The following DMGDH variants were observed in gnomAD, a reference collection of about 807,000 sequenced individuals.
DMGDH encodes dimethylglycine dehydrogenase.
DMGDH carries 76 observed loss-of-function variants against 95.2 expected under a neutral mutation model. The ratio of observed to expected loss-of-function variants is 0.80; its 90% CI spans 0.66 to 0.97. The LOEUF is 0.97. Among genes scored for constraint, DMGDH ranks in the 50% least tolerant of loss-of-function variants. DMGDH has a pLI of 0.00. For missense variants in DMGDH, 987 were observed against 1,055.0 expected, an observed-to-expected ratio of 0.94 and a Z score of 0.89; for synonymous variants, 345 against 377.6, an observed-to-expected ratio of 0.91 and a Z score of 1.00.
Position 79,054,207 on chromosome 5 carries a change from A to C in DMGDH, c.517T>G (p.Phe173Val), listed in dbSNP as rs1199020757. 1 of 1,614,110 alleles carries C rather than the reference A, an allele frequency of 6.2e-7. No individual in the cohort carries two copies. The highest frequency in any genetic ancestry group is 2.2e-5 in the East Asian group (1 of 44,874). Residue 173 changes from phenylalanine (F) to valine (V), a missense_variant, in exon 4 of 16, where the codon TTC (phenylalanine) becomes GTC (valine). Coordinates refer to ENST00000255189, the MANE Select transcript of DMGDH (RefSeq NM_013391.3). ...LIEPEKIQEM[F>V]PLLNMNKVLA... ...ACCTTATTCATGTTGAGTAAAGGGA[A>C]CATCTCTTGAATTTTTTCAGGTTCA...
At chr5:79,042,744 GT>G (rs1754546870) in intron 6 of DMGDH, among the ~76,000 whole-genome samples, 5 of 150,216 alleles carry the variant, frequency 3.3e-5, no homozygotes, top group African/African-American at 1.2e-4. Flanking sequence ...GAATAATATA[GT>G]TTCTGATATT....
intron 6 of DMGDH, among the ~76,000 whole-genome samples, chr5:79,043,975 C>G (rs1322044594): frequency 6.6e-6 from 1 of 152,168 alleles, no homozygotes; most frequent in African/African-American, 2.4e-5. Context: ...ATCTTGAAAG[C>G]AGACCAAGCT....
chr5:79,024,860 C>T (rs968395634), intron 13 of DMGDH, among the ~76,000 whole-genome samples: 2 of 152,222 alleles, frequency 1.3e-5, no homozygotes, highest in Non-Finnish European at 2.9e-5. Context: ...TCAGGGCTAA[C>T]GCCAATATTT....
chr5:79,030,554 G>A (rs1754132559), intron 10 of DMGDH: 4 of 337,062 alleles, frequency 1.2e-5, no homozygotes, highest in East Asian at 6.6e-5. Context: ...ACTGAGGCAG[G>A]AGAATTGCTT....
chr5:79,027,325 C>T (rs1754029960), intron 12 of DMGDH, among the ~76,000 whole-genome samples: 1 of 151,964 alleles, frequency 6.6e-6, no homozygotes, highest in African/African-American at 2.4e-5. Context: ...GCATCCAGCC[C>T]TGCTCATTTT....
chr5:79,003,558 C>T (rs1021304849), intron 15 of DMGDH, among the ~76,000 whole-genome samples: 20 of 152,210 alleles, frequency 1.3e-4, no homozygotes, highest in African/African-American at 4.6e-4. Flanking sequence ...GGCTTACAGA[C>T]AGGCGAAGGC....
intron 12 of DMGDH, among the ~76,000 whole-genome samples, chr5:79,027,939 C>G (rs1377969738): frequency 6.6e-6 from 1 of 151,186 alleles, no homozygotes; most frequent in Non-Finnish European, 1.5e-5. Flanking sequence ...CTCCCGAGTT[C>G]AAGCAAATCT....
At chr5:79,021,962 G>T (rs1423605671) in intron 14 of DMGDH, among the ~76,000 whole-genome samples, 2 of 152,152 alleles carry the variant, frequency 1.3e-5, no homozygotes, top group African/African-American at 4.8e-5. Flanking sequence ...GCTTCAGATG[G>T]GGGAGGGGAG....
At chr5:79,065,147 A>T (rs1032347608) in intron 1 of DMGDH, among the ~76,000 whole-genome samples, 3 of 151,850 alleles carry the variant, frequency 2.0e-5, no homozygotes, top group East Asian at 3.9e-4. Flanking sequence ...ACACCTCCAA[A>T]TCTTGTCCCA....
chr5:79,054,219 T>C lies in DMGDH; in HGVS notation c.505A>G (p.Ile169Val). 1.2e-6 allele frequency: 2 copies of C among 1,614,126 alleles called. No homozygotes were observed. Among genetic ancestry groups the C allele is most frequent in the Non-Finnish European group, 1.7e-6 (2 of 1,179,998 alleles). The change falls in exon 4 of 16, where the codon ATT becomes GTT. Residue 169 changes from isoleucine (I) to valine (V), a missense_variant. Coordinates refer to ENST00000255189, the MANE Select transcript of DMGDH (RefSeq NM_013391.3). The part of the protein sequence containing the change: ...TEQYLIEPEK[I>V]QEMFPLLNMN... ...TTGAGTAAAGGGAACATCTCTTGAA[T>C]TTTTTCAGGTTCAATGAGATACTGT...
chr5:79,066,536 C>T (rs565244054), intron 1 of DMGDH, among the ~76,000 whole-genome samples: 35 of 151,730 alleles, frequency 2.3e-4, no homozygotes, highest in African/African-American at 8.0e-4. Context: ...CCTCGTGATC[C>T]GCCTGCCTCA....
Position 79,050,248 on chromosome 5 carries a change from C to CAAA in DMGDH, c.745+1036_745+1038dup, listed in dbSNP as rs57662602. ...GGGGCACAAGAGCAAAACTTTGTCT[C>CAAA]AAAAAAAAAAAAAAAAAAAAAAAAA... On this transcript the variant is annotated intron_variant, in intron 5 of 15. Transcript: ENST00000255189. Among the ~76,000 whole-genome samples the CAAA allele has an allele frequency of 5.4e-3, 423 of 78,434 alleles. 9 individuals carry two copies. Among genetic ancestry groups the CAAA allele is most frequent in the African/African-American group, 9.1e-3 (171 of 18,842 alleles). The allele number at this position is 78,434 out of a possible 152,430, so 51.5% of individuals were successfully genotyped here.
At chr5:78,999,244 AT>A (rs1753411514) in intron 15 of DMGDH, among the ~76,000 whole-genome samples, 3 of 152,208 alleles carry the variant, frequency 2.0e-5, no homozygotes, top group Admixed American at 2.0e-4. Flanking sequence ...CATGACTTTA[AT>A]TGCAGACTCC....
At position 79,031,013 on chromosome 5, in the gene DMGDH, T is replaced by C; in HGVS notation, c.1518-15A>G. On this transcript the variant is annotated splice_polypyrimidine_tract_variant and intron_variant, in intron 9 of 15. Transcript: ENST00000255189. ...GAAAACTTGGCCTGAAACACAACAT[T>C]TAGTGTCATAAAACAACTCCCGTTC... is the stretch of plus-strand genomic sequence containing the variant. The C allele has an allele frequency of 6.2e-7, 1 of 1,614,102 alleles. No individual in the cohort carries two copies. Among genetic ancestry groups the C allele is most frequent in the East Asian group, 2.2e-5 (1 of 44,876 alleles).
At chr5:79,019,708 A>C (rs1274364169) in intron 14 of DMGDH, among the ~76,000 whole-genome samples, 1 of 152,102 alleles carries the variant, frequency 6.6e-6, no homozygotes, top group Non-Finnish European at 1.5e-5. Context: ...AACAAGGTGA[A>C]ACCTCGTCTC....
At chr5:79,052,551 A>G (rs1297561491) in intron 4 of DMGDH, among the ~76,000 whole-genome samples, 1 of 152,232 alleles carries the variant, frequency 6.6e-6, no homozygotes, top group Non-Finnish European at 1.5e-5. Flanking sequence ...CAAATGTCAC[A>G]CAGGTGTTTT....
intron 14 of DMGDH, among the ~76,000 whole-genome samples, chr5:79,019,787 A>C (rs1450712961): frequency 6.6e-6 from 1 of 152,166 alleles, no homozygotes; most frequent in East Asian, 1.9e-4. Context: ...GGGGAGGCTG[A>C]GGCAAGAAAA....
chr5:79,068,655 A>G (rs1251863094), intron 1 of DMGDH, among the ~76,000 whole-genome samples: 1 of 152,258 alleles, frequency 6.6e-6, no homozygotes, highest in East Asian at 1.9e-4. Flanking sequence ...TAAAATTCGA[A>G]TCAACTCATA....
intron 11 of DMGDH, 51 bp downstream of exon 11, chr5:79,029,853 T>C: frequency 1.3e-6 from 2 of 1,586,422 alleles, no homozygotes; most frequent in Non-Finnish European, 1.7e-6. Flanking sequence ...TAATGTAAGA[T>C]TGAGTCAATA....
Sources: allele counts gnomAD v4.1 joint callset (sites outside exome capture counted in the v4.1 genomes callset), GRCh38; gene constraint gnomAD v4.1.1; transcripts MANE v1.5; gene names NCBI Gene and HGNC (gene_info 2026-07-23, HGNC 2026-07-21).